The following ALDH5A1 variants were observed in gnomAD, a reference collection of about 807,000 sequenced individuals.
ALDH5A1 encodes succinate-semialdehyde dehydrogenase, mitochondrial.
Under a neutral mutation model 54.7 loss-of-function variants are expected in ALDH5A1, and 33 were observed. The observed-to-expected ratio is 0.60, with a 90% CI of 0.46 to 0.81. The LOEUF (loss-of-function observed/expected upper bound fraction) is 0.81. Among genes scored for constraint, ALDH5A1 ranks in the 30% least tolerant of loss-of-function variants. ALDH5A1 has a pLI of 0.00. For synonymous variants in ALDH5A1, 294 were observed against 292.7 expected (o/e 1.00, Z -0.05); for missense variants, 657 against 711.0 (o/e 0.92, Z 0.86).
chr6:24,527,354 A>C (rs990689311), intron 7 of ALDH5A1, among the ~76,000 whole-genome samples: 1 of 152,048 alleles, frequency 6.6e-6, no homozygotes, highest in Non-Finnish European at 1.5e-5. Context: ...CGGGTGAATC[A>C]CGAGGTCAGG....
intron 3 of ALDH5A1, among the ~76,000 whole-genome samples, chr6:24,504,037 C>T (rs1245618325): frequency 1.3e-5 from 2 of 152,138 alleles, no homozygotes; most frequent in Admixed American, 6.5e-5. Context: ...CAGCTGGTCT[C>T]GAGACGTCTG....
intron 4 of ALDH5A1, among the ~76,000 whole-genome samples, chr6:24,510,964 G>T (rs1346554025): frequency 6.6e-6 from 1 of 152,146 alleles, no homozygotes; most frequent in Admixed American, 6.6e-5. Context: ...GTGTTTCCAG[G>T]ATTTGTTTCA....
At chr6:24,521,734 TG>T (rs1193772884) in intron 6 of ALDH5A1, among the ~76,000 whole-genome samples, 1 of 152,040 alleles carries the variant, frequency 6.6e-6, no homozygotes, top group East Asian at 1.9e-4. Context: ...GGCTACAACT[TG>T]GGGACAGGTA....
chr6:24,507,528 T>C (rs570084638), intron 4 of ALDH5A1, among the ~76,000 whole-genome samples: 5 of 152,204 alleles, frequency 3.3e-5, no homozygotes, highest in African/African-American at 1.2e-4. Flanking sequence ...GTCTTTGTGA[T>C]GATTGCTTTG....
rs189176427 is a variant in ALDH5A1 at position 24,497,049 on chromosome 6, C to T, written c.354+1699C>T. Among the ~76,000 whole-genome samples the T allele has an allele frequency of 2.4e-4, 36 of 152,172 alleles. 1 individual carries two copies. Among genetic ancestry groups the T allele is most frequent in the South Asian group, 1.0e-3 (5 of 4,818 alleles). ...GCCTCGCTGACTTCAAAAATGGAGCCGCGGACCTTTGCAGTGAGTGTTACA... is the reference window on the plus strand; with the variant it reads ...GCCTCGCTGACTTCAAAAATGGAGCTGCGGACCTTTGCAGTGAGTGTTACA... On this transcript the variant is annotated intron_variant, in intron 1 of 9. Coordinates refer to ENST00000357578, the MANE Select transcript of ALDH5A1 (RefSeq NM_001080.3).
chr6:24,524,729 G>A (rs190959532), intron 7 of ALDH5A1, among the ~76,000 whole-genome samples: 1 of 152,324 alleles, frequency 6.6e-6, no homozygotes, highest in Non-Finnish European at 1.5e-5. Context: ...GGACAAGGCA[G>A]GGGTATTCAC....
intron 7 of ALDH5A1, among the ~76,000 whole-genome samples, chr6:24,524,963 T>C (rs1201773469): frequency 6.6e-6 from 1 of 152,164 alleles, no homozygotes; most frequent in Non-Finnish European, 1.5e-5. Context: ...TCTTGAAGAT[T>C]TTTTTCCCCA....
At chr6:24,532,898 C>T (rs1316560254) in intron 9 of ALDH5A1, among the ~76,000 whole-genome samples, 1 of 152,116 alleles carries the variant, frequency 6.6e-6, no homozygotes, top group Non-Finnish European at 1.5e-5. Flanking sequence ...CTGAGTTCAG[C>T]ATTTGTCTCT....
chr6:24,504,950 G>A lies in ALDH5A1; in HGVS notation c.691G>A (p.Glu231Lys), dbSNP rs751888532. ...CTGTACTGTCGTGGTGAAGCCTGCC[G>A]AAGACACGCCCTTCTCCGCCCTGGC... ...AGCTVVVKPA[E>K]DTPFSALALA... Residue 231 changes from glutamate (E) to lysine (K), a missense_variant, in exon 4 of 10, where the codon GAA (glutamate) becomes AAA (lysine). By Grantham distance (56) the Glu-to-Lys change is moderately conservative (BLOSUM62 1). Transcript: ENST00000357578. 47 of 1,614,082 alleles carry A rather than the reference G, an allele frequency of 2.9e-5. No homozygotes were observed. The highest frequency in any genetic ancestry group is 3.9e-5 in the Non-Finnish European group (46 of 1,180,048).
chr6:24,525,048 T>C (rs1002254815), intron 7 of ALDH5A1, among the ~76,000 whole-genome samples: 4 of 152,150 alleles, frequency 2.6e-5, no homozygotes, highest in Non-Finnish European at 5.9e-5. Flanking sequence ...GCGAGATTTC[T>C]TTTTTGCTGG....
chr6:24,504,427 T>C (rs1331349399), intron 3 of ALDH5A1, among the ~76,000 whole-genome samples: 1 of 152,248 alleles, frequency 6.6e-6, no homozygotes, highest in African/African-American at 2.4e-5. Context: ...CCCATGGGCC[T>C]CAGGCCAAAT....
At chr6:24,504,075 A>G (rs1416244834) in intron 3 of ALDH5A1, among the ~76,000 whole-genome samples, 3 of 152,110 alleles carry the variant, frequency 2.0e-5, no homozygotes, top group Non-Finnish European at 4.4e-5. Context: ...ATAGTTACAG[A>G]CAGAATCCCC....
chr6:24,509,113 TAGTTTATTTA>T lies in ALDH5A1; in HGVS notation c.726+4132_726+4141del, dbSNP rs59363455. Among the ~76,000 whole-genome samples the T allele has an allele frequency of 0.48, 72,177 of 151,582 alleles. 18,515 individuals carry two copies. The highest frequency in any genetic ancestry group is 0.6 in the Middle Eastern group (174 of 292). On this transcript the variant is annotated intron_variant, in intron 4 of 9. Transcript: ENST00000357578. The surrounding 1 kb of genome is among the most constrained non-coding windows in gnomAD (Gnocchi z 4.7). ...TTCCTTTTGCCATGCAAAAGCTCTT[TAGTTTATTTA>T]AGTCCCAGCTATTTATCTTTGTTTT...
Position 24,529,812 on chromosome 6 carries a change from C to T in ALDH5A1, c.1343+1646C>T, listed in dbSNP as rs190898238. ...TCAGCCTCCTGAGTAGCTGGGATTA[C>T]AGGCGCCCGCCACCAGGCCCTGCTA... On this transcript the variant is annotated intron_variant, in intron 8 of 9. Coordinates refer to ENST00000357578, the MANE Select transcript of ALDH5A1 (RefSeq NM_001080.3). 6.4e-3 allele frequency among the ~76,000 whole-genome samples: 976 copies of T among 151,534 alleles called. 13 individuals carry two copies. The highest frequency in any genetic ancestry group is 0.022 in the African/African-American group (908 of 41,282).
chr6:24,504,935 G>C lies in ALDH5A1; in HGVS notation c.676G>C (p.Val226Leu), dbSNP rs770884090. 2.5e-6 allele frequency: 4 copies of C among 1,614,228 alleles called. No homozygotes were observed. In the East Asian group the frequency reaches 8.9e-5, roughly 36 times the overall value. ...GAALAAGCTVVVKPAEDTPFS... is the reference protein window; with the variant it reads ...GAALAAGCTVLVKPAEDTPFS... Reference sequence around the variant, plus strand: ...CGCCCTGGCAGCCGGCTGTACTGTCGTGGTGAAGCCTGCCGAAGACACGCC... The same window carrying C: ...CGCCCTGGCAGCCGGCTGTACTGTCCTGGTGAAGCCTGCCGAAGACACGCC... Residue 226 changes from valine to leucine, a missense_variant, in exon 4 of 10, where the codon GTG (valine) becomes CTG (leucine). Val to Leu is a conservative substitution (Grantham distance 32, BLOSUM62 1). Coordinates refer to ENST00000357578, the MANE Select transcript of ALDH5A1 (RefSeq NM_001080.3).
At chr6:24,495,682 G>A (rs1041121716) in intron 1 of ALDH5A1, among the ~76,000 whole-genome samples, 1 of 152,190 alleles carries the variant, frequency 6.6e-6, no homozygotes, top group African/African-American at 2.4e-5. Context: ...CGGGGAGAAA[G>A]GGGAGGGGTG....
chr6:24,513,825 C>T (rs1759510091), intron 4 of ALDH5A1, among the ~76,000 whole-genome samples: 1 of 152,230 alleles, frequency 6.6e-6, no homozygotes, highest in African/African-American at 2.4e-5. Flanking sequence ...CCCCTGCTTC[C>T]TCTCACACAG....
intron 3 of ALDH5A1, among the ~76,000 whole-genome samples, chr6:24,503,708 G>A (rs1266353018): frequency 6.6e-6 from 1 of 152,164 alleles, no homozygotes; most frequent in Non-Finnish European, 1.5e-5. Context: ...TGGCATGGAG[G>A]CTTCTTCCTG....
At chr6:24,511,835 T>C (rs746659586) in intron 4 of ALDH5A1, 6 of 553,844 alleles carry the variant, frequency 1.1e-5, no homozygotes, top group South Asian at 2.9e-5. Flanking sequence ...TTCAGGTAAA[T>C]CAGGGATTTC....
Sources: allele counts gnomAD v4.1 joint callset (sites outside exome capture counted in the v4.1 genomes callset), GRCh38; gene constraint gnomAD v4.1.1; non-coding constraint Gnocchi (gnomAD v3.1); transcripts MANE v1.5; gene names NCBI Gene and HGNC (gene_info 2026-07-23, HGNC 2026-07-21).